The following PLXNB3 variants were observed in gnomAD, a reference collection of about 807,000 sequenced individuals.
PLXNB3 encodes plexin B3.
PLXNB3 carries 80 observed loss-of-function variants against 125.7 expected under a neutral mutation model. The observed-to-expected ratio is 0.64, with a 90% CI of 0.53 to 0.77. PLXNB3 has a LOEUF of 0.77. PLXNB3 is among the 30% of genes least tolerant of loss of function. PLXNB3 has a pLI of 0.00. For synonymous variants in PLXNB3, 954 were observed against 783.3 expected (o/e 1.22, Z -3.64); for missense variants, 1,836 against 1,729.3 (o/e 1.06, Z -1.09).
At position 153,775,677 on chromosome X, in the gene PLXNB3, C is replaced by T. The variant is rs5945162; in HGVS notation, c.4401+17C>T. 236,446 of 1,197,586 alleles carry T rather than the reference C, an allele frequency of 0.2. 16,361 individuals are homozygous for T. Among genetic ancestry groups the T allele is most frequent in the Middle Eastern group, 0.28 (1,230 of 4,325 alleles). ...TTCCTGAGGGTGAGGGGCACTGTCC[C>T]GCCTGCTCCCAGCCCTGAGTGGCAG... On this transcript the variant is annotated intron_variant, in intron 26 of 35. Transcript: ENST00000361971.
At position 153,770,593 on chromosome X, in the gene PLXNB3, A is replaced by G. The variant is rs181891775; in HGVS notation, c.1961A>G (p.Tyr654Cys). Residue 654 changes from tyrosine to cysteine, a missense_variant, in exon 10 of 36, where the codon TAC becomes TGC. Tyr to Cys is a radical substitution (Grantham distance 194). Transcript: ENST00000361971. ...TGCCCGCAGAGTAGCCACTGCGTGT[A>G]CGGAGAGCACTGCCCAGAGGGCGAG... ...HWCPQSSHCV[Y>C]GEHCPEGERT... 1.4e-5 allele frequency: 17 copies of G among 1,210,740 alleles called. No homozygotes were observed. The highest frequency in any genetic ancestry group is 1.9e-5 in the Non-Finnish European group (17 of 895,393).
rs377069226 is a variant in PLXNB3, at chrX:153,778,389, C to T, written c.5475-7C>T. 45 of 1,209,902 alleles carry T rather than the reference C, an allele frequency of 3.7e-5. No homozygotes were observed. Among genetic ancestry groups the T allele is most frequent in the Middle Eastern group, 4.6e-4 (2 of 4,372 alleles). On this transcript the variant is annotated splice_region_variant and splice_polypyrimidine_tract_variant and intron_variant, in intron 33 of 35. Coordinates refer to ENST00000361971, the MANE Select transcript of PLXNB3 (RefSeq NM_005393.3). ...TGCCCCACCCCTAACGAAGTCTGCTCCTCCAGGTACTATGCGGACATTCGC... is the reference window on the plus strand; with the variant it reads ...TGCCCCACCCCTAACGAAGTCTGCTTCTCCAGGTACTATGCGGACATTCGC...
chrX:153,775,435 T>C, intron 25 of PLXNB3, 32 bp downstream of exon 25: 2 of 1,190,415 alleles, frequency 1.7e-6, no homozygotes, highest in Non-Finnish European at 2.3e-6. Context: ...GTGGCGGGGG[T>C]GAGGGCTTGC....
At chrX:153,772,141 G>A (rs782785626) in intron 15 of PLXNB3, 41 bp from the exon 16 acceptor site, 122 of 876,801 alleles carry the variant, frequency 1.4e-4, no homozygotes, top group East Asian at 1.8e-4. Flanking sequence ...TGTCCCCTCC[G>A]TCCCTGAGCC....
Position 153,772,980 on chromosome X carries a change from A to G in PLXNB3, c.2870A>G (p.Asn957Ser). The change falls in exon 17 of 36, where the codon AAC becomes AGC. Residue 957 changes from asparagine to serine, a missense_variant. Asn to Ser is a conservative substitution (Grantham distance 46). Transcript: ENST00000361971. ...IRGQHLQTGG[N>S]TSAFVGGQPC... The stretch of plus-strand genomic sequence containing the variant: ...GGTCAGCACCTCCAGACAGGTGGCA[A>G]CACCAGTGCCTTCGTGGGTGGCCAA... The G allele has an allele frequency of 8.3e-7, 1 of 1,197,782 alleles. No individual in the cohort carries two copies. Among genetic ancestry groups the G allele is most frequent in the Non-Finnish European group, 1.1e-6 (1 of 890,189 alleles).
In PLXNB3 at chrX:153,779,010, C is replaced by T; in HGVS notation, c.5701C>T (p.Leu1901=). 1 of 1,195,320 alleles carries T rather than the reference C, an allele frequency of 8.4e-7. No individual in the cohort carries two copies. The highest frequency in any genetic ancestry group is 1.1e-6 in the Non-Finnish European group (1 of 887,601). Reference sequence around the variant, plus strand: ...CTGCCGCCTGCAGCAGGTCGCCGCCCTGGTGGAAAACAAAGTGACTGACCT... The same window carrying T: ...CTGCCGCCTGCAGCAGGTCGCCGCCTTGGTGGAAAACAAAGTGACTGACCT... ...LACRLQQVAA[L]VENKVTDL Residue 1901 remains leucine, a synonymous_variant, in exon 36 of 36, where the codon CTG becomes TTG. Coordinates refer to ENST00000361971, the MANE Select transcript of PLXNB3 (RefSeq NM_005393.3).
At chrX:153,778,576 C>G (rs1557065392) in intron 34 of PLXNB3, 24 bp from the exon 35 acceptor site, 4 of 1,181,988 alleles carry the variant, frequency 3.4e-6, no homozygotes, top group Admixed American at 4.5e-5. Context: ...GACCTCACTG[C>G]CCCCCTCCAC....
chrX:153,775,077 C>T lies in PLXNB3; in HGVS notation c.4129C>T (p.Leu1377Phe), dbSNP rs2091971548. 2 of 1,205,310 alleles carry T rather than the reference C, an allele frequency of 1.7e-6. No individual in the cohort carries two copies. Among genetic ancestry groups the T allele is most frequent in the South Asian group, 3.6e-5 (2 of 55,958 alleles). Reference protein sequence around the residue: ...RQGLTQLSNLLNSKLFLLTLI... With the variant: ...RQGLTQLSNLFNSKLFLLTLI... The stretch of plus-strand genomic sequence containing the variant: ...GGGCCTCACGCAGCTCTCCAACCTG[C>T]TCAACAGCAAGCTCTTCCTCCTCAC... Residue 1377 changes from leucine to phenylalanine, a missense_variant, in exon 24 of 36, where the codon CTC becomes TTC. By Grantham distance (22) the Leu-to-Phe change is conservative. Coordinates refer to ENST00000361971, the MANE Select transcript of PLXNB3 (RefSeq NM_005393.3).
chrX:153,770,672 A>G, intron 10 of PLXNB3, 30 bp downstream of exon 10: 2 of 1,207,205 alleles, frequency 1.7e-6, no homozygotes, highest in Non-Finnish European at 2.2e-6. Context: ...GGGCAGAGAC[A>G]GGGCTGTCCC....
At position 153,773,021 on chromosome X, in the gene PLXNB3, G is replaced by A; in HGVS notation, c.2906+5G>A. 1 of 1,164,532 alleles carries A rather than the reference G, an allele frequency of 8.6e-7. No homozygotes were observed. The highest frequency in any genetic ancestry group is 1.1e-6 in the Non-Finnish European group (1 of 875,464). ...GGGTGGCCAACCCTGTCCCATGTGA[G>A]TCCCGGCCTGGCTGCCGTCGGGTGG... On this transcript the variant is annotated splice_donor_5th_base_variant and intron_variant, in intron 17 of 35. Coordinates refer to ENST00000361971, the MANE Select transcript of PLXNB3 (RefSeq NM_005393.3).
chrX:153,766,340 C>G (rs1025167103), intron 2 of PLXNB3: 1 of 1,142,072 alleles, frequency 8.8e-7, no homozygotes, highest in Non-Finnish European at 1.2e-6. Flanking sequence ...TTTTCTCTCC[C>G]TGTCTGGTCC....
rs1557061675 is a variant in PLXNB3 at position 153,771,057 on chromosome X, C to T, written c.2229C>T (p.Gly743=). The change falls in exon 12 of 36, where the codon GGC becomes GGT. Residue 743 remains glycine, a synonymous_variant. Coordinates refer to ENST00000361971, the MANE Select transcript of PLXNB3 (RefSeq NM_005393.3). ...ATLEETAGDS[G]LIHCQAHQFY... ...TGGAGGAGACAGCAGGGGATTCAGG[C>T]CTCATCCACTGCCAGGCCCACCAGG... 6.6e-6 allele frequency: 8 copies of T among 1,206,512 alleles called. No individual in the cohort carries two copies. In the Admixed American group the frequency reaches 1.5e-4, roughly 23 times the overall value.
Position 153,771,009 on chromosome X carries a change from A to C in PLXNB3, c.2181A>C (p.Glu727Asp), listed in dbSNP as rs782080381. 3.3e-6 allele frequency: 4 copies of C among 1,209,671 alleles called. No individual in the cohort carries two copies. The highest frequency in any genetic ancestry group is 4.5e-6 in the Non-Finnish European group (4 of 895,276). ...SFHCWLELPG[E>D]LRGLPATLEE... is the part of the protein sequence containing the mutation. ...ACTGCTGGCTGGAGCTGCCTGGAGA[A>C]CTTCGGGGACTGCCGGCCACCCTGG... is the stretch of plus-strand genomic sequence containing the variant. Residue 727 changes from glutamate (E) to aspartate (D), a missense_variant, in exon 12 of 36, where the codon GAA becomes GAC. Physicochemically the swap from Glu to Asp is conservative, Grantham distance 45. Transcript: ENST00000361971.
chrX:153,773,086 G>T (rs2091950878), intron 17 of PLXNB3, 70 bp downstream of exon 17: 2 of 1,097,283 alleles, frequency 1.8e-6, no homozygotes, highest in Admixed American at 6.1e-5. Flanking sequence ...GGTACATTTA[G>T]AGAAGTGGTT....
chrX:153,774,345 G>T lies in PLXNB3; in HGVS notation c.3678+1G>T. 8.6e-7 allele frequency: 1 copy of T among 1,157,567 alleles called. No homozygotes were observed. On this transcript the variant is annotated splice_donor_variant, in intron 21 of 35. Coordinates refer to ENST00000361971, the MANE Select transcript of PLXNB3 (RefSeq NM_005393.3). LOFTEE classifies it high-confidence loss of function. Reference sequence around the variant, plus strand: ...TGGCTCCGGCCTGCCACAGTTCGTGGTGAGTCCGTGCCCTGGGTGGGCAGG... The same window carrying T: ...TGGCTCCGGCCTGCCACAGTTCGTGTTGAGTCCGTGCCCTGGGTGGGCAGG...
At chrX:153,774,831 G>A (rs782382082) in intron 23 of PLXNB3, 25 bp downstream of exon 23, 8 of 1,208,700 alleles carry the variant, frequency 6.6e-6, no homozygotes, top group Non-Finnish European at 7.8e-6. Context: ...GGGGGGACAG[G>A]GTACCCACGA....
Position 153,765,528 on chromosome X carries a change from C to T in PLXNB3, c.-8C>T. 8.4e-7 allele frequency: 1 copy of T among 1,193,033 alleles called. No individual in the cohort carries two copies. ...TCGCCACTGCCCTGGGGCAGCTGAA[C>T]TGAGCGTATGTGCCACGCCGCCCAG... On this transcript the variant is annotated 5_prime_UTR_variant, in exon 2 of 36. Transcript: ENST00000361971.
Position 153,769,236 on chromosome X carries a change from G to A in PLXNB3, c.1470G>A (p.Leu490=), listed in dbSNP as rs1569541797. 2 of 1,170,079 alleles carry A rather than the reference G, an allele frequency of 1.7e-6. No individual in the cohort carries two copies. The highest frequency in any genetic ancestry group is 3.2e-5 in the East Asian group (1 of 31,272). ...GCTGCCTCCAGGCCCAGGACCCGCT[G>A]TGTGGCTGGTGTGTCCTCCAGGGCA... ...CASCLQAQDP[L]CGWCVLQGRC... is the part of the protein sequence containing the mutation. Residue 490 remains leucine (L), a synonymous_variant, in exon 6 of 36, where the codon CTG becomes CTA. Coordinates refer to ENST00000361971, the MANE Select transcript of PLXNB3 (RefSeq NM_005393.3).
In PLXNB3 at chrX:153,773,655, G is replaced by A. The variant is rs1293866821; in HGVS notation, c.3221G>A (p.Cys1074Tyr). 8.4e-7 allele frequency: 1 copy of A among 1,185,362 alleles called. No individual in the cohort carries two copies. Among genetic ancestry groups the A allele is most frequent in the African/African-American group, 1.8e-5 (1 of 56,834 alleles). ...CAGGACCCACAGCCAAGGAGGAGCT[G>A]TGGAGCCCCTGCTGCGGACCCCCAG... Reference protein sequence around the residue: ...QPQDPQPRRSCGAPAADPQAC... With the variant: ...QPQDPQPRRSYGAPAADPQAC... Residue 1074 changes from cysteine (C) to tyrosine (Y), a missense_variant, in exon 19 of 36, where the codon TGT (cysteine) becomes TAT (tyrosine). Cys to Tyr is a radical substitution (Grantham distance 194). Transcript: ENST00000361971.
Sources: allele counts gnomAD v4.1 joint callset, GRCh38; gene constraint gnomAD v4.1.1; transcripts MANE v1.5; gene names NCBI Gene and HGNC (gene_info 2026-07-23, HGNC 2026-07-21).